The following RBFOX1 variants were observed in gnomAD, a reference collection of about 807,000 sequenced individuals.
RBFOX1 encodes RNA binding fox-1 homolog 1.
In RBFOX1, 8 loss-of-function variants were observed where a neutral mutation model predicts 57.7. The ratio of observed to expected loss-of-function variants is 0.14; its 90% CI spans 0.08 to 0.25. The LOEUF (loss-of-function observed/expected upper bound fraction) is 0.25, where lower values mean the gene tolerates loss of function less well. Ranked by LOEUF, RBFOX1 falls within the 10% of genes least tolerant of loss-of-function variation. The probability of loss-of-function intolerance (pLI) is 1.00; values close to 1 mark genes in which losing one functional copy is unlikely to be tolerated. For synonymous variants in RBFOX1, 326 were observed against 222.4 expected, an observed-to-expected ratio of 1.47 and a Z score of -4.15; for missense variants, 611 against 548.5, an observed-to-expected ratio of 1.11 and a Z score of -1.14.
chr16:5,443,739 G>C (rs181894990), intron 1 of RBFOX1, among the ~76,000 whole-genome samples: 1 of 152,246 alleles, frequency 6.6e-6, no homozygotes, highest in East Asian at 1.9e-4. Flanking sequence ...TTAAGCTTTT[G>C]CTTTGATTAT....
chr16:6,084,502 C>T (rs568705809), intron 1 of RBFOX1, among the ~76,000 whole-genome samples: 1 of 152,248 alleles, frequency 6.6e-6, no homozygotes, highest in East Asian at 1.9e-4. Flanking sequence ...CCTCTGCCTC[C>T]CAAAATGTTG....
At chr16:7,290,403 G>A (rs1447984591) in intron 4 of RBFOX1, among the ~76,000 whole-genome samples, 1 of 152,160 alleles carries the variant, frequency 6.6e-6, no homozygotes, top group Non-Finnish European at 1.5e-5. Context: ...TTAACCAGGT[G>A]ACCTTAAAAT....
At chr16:6,527,585 C>G (rs903889293) in intron 2 of RBFOX1, among the ~76,000 whole-genome samples, 14 of 152,094 alleles carry the variant, frequency 9.2e-5, no homozygotes, top group Non-Finnish European at 2.9e-5. Context: ...ATTTAGGACC[C>G]TCTAAATTGT....
At chr16:7,489,775 C>T (rs1370002804) in intron 4 of RBFOX1, among the ~76,000 whole-genome samples, 1 of 151,966 alleles carries the variant, frequency 6.6e-6, no homozygotes, top group Non-Finnish European at 1.5e-5. Context: ...CCCAACTCAG[C>T]CTTCCAGAGC....
At chr16:7,634,310 GC>G (rs1216969653) in intron 11 of RBFOX1, among the ~76,000 whole-genome samples, 1 of 151,956 alleles carries the variant, frequency 6.6e-6, no homozygotes, top group Non-Finnish European at 1.5e-5. Context: ...CTACAGACTT[GC>G]AAGATAACTC....
intron 2 of RBFOX1, among the ~76,000 whole-genome samples, chr16:6,341,591 A>G (rs1182996293): frequency 6.6e-6 from 1 of 152,202 alleles, no homozygotes; most frequent in Non-Finnish European, 1.5e-5. Context: ...AAAATATAGT[A>G]ATTAAGAAAA....
intron 1 of RBFOX1, among the ~76,000 whole-genome samples, chr16:6,302,816 T>G (rs1405973411): frequency 6.6e-6 from 1 of 152,224 alleles, no homozygotes; most frequent in Non-Finnish European, 1.5e-5. Context: ...TTATGCCCCT[T>G]TTAGTGATTC....
At chr16:6,552,986 A>G (rs2153882533) in intron 2 of RBFOX1, among the ~76,000 whole-genome samples, 1 of 152,320 alleles carries the variant, frequency 6.6e-6, no homozygotes, top group Non-Finnish European at 1.5e-5. Context: ...AAGAAAAAGC[A>G]TCAGCTGCCC....
intron 2 of RBFOX1, among the ~76,000 whole-genome samples, chr16:6,392,179 G>T (rs1441833252): frequency 1.3e-5 from 2 of 152,176 alleles, no homozygotes. Context: ...TGAAAAGACC[G>T]TTTCTAAAAT....
At chr16:7,690,158 A>C (rs2077008009) in intron 14 of RBFOX1, among the ~76,000 whole-genome samples, 2 of 152,050 alleles carry the variant, frequency 1.3e-5, no homozygotes, top group Non-Finnish European at 2.9e-5. Context: ...GCATTTTCCG[A>C]ACTACTTTCC....
At chr16:6,465,809 T>C (rs1335220333) in intron 2 of RBFOX1, among the ~76,000 whole-genome samples, 1 of 151,382 alleles carries the variant, frequency 6.6e-6, no homozygotes, top group Non-Finnish European at 1.5e-5. Context: ...ATGCTAACTG[T>C]TGATTTAGGC....
At chr16:7,532,393 G>A (rs920262821) in intron 5 of RBFOX1, among the ~76,000 whole-genome samples, 8 of 152,200 alleles carry the variant, frequency 5.3e-5, no homozygotes, top group African/African-American at 1.9e-4. Flanking sequence ...AGATGTTGGG[G>A]ACGAGGGGAG....
intron 4 of RBFOX1, among the ~76,000 whole-genome samples, chr16:7,373,090 C>T (rs989314507): frequency 2.6e-5 from 4 of 151,878 alleles, no homozygotes; most frequent in African/African-American, 4.8e-5. Flanking sequence ...TGCCACCATG[C>T]GTGGCTAATT....
chr16:6,401,823 T>C (rs2093081081), intron 2 of RBFOX1, among the ~76,000 whole-genome samples: 1 of 152,068 alleles, frequency 6.6e-6, no homozygotes, highest in Non-Finnish European at 1.5e-5. Flanking sequence ...TGGGCAGCTA[T>C]TGCATTTATG....
intron 4 of RBFOX1, among the ~76,000 whole-genome samples, chr16:7,400,752 C>G (rs1315068576): frequency 2.6e-5 from 4 of 152,144 alleles, no homozygotes; most frequent in African/African-American, 9.7e-5. Flanking sequence ...CTGCAGTAAT[C>G]CAGTCAATTA....
intron 4 of RBFOX1, among the ~76,000 whole-genome samples, chr16:7,263,990 T>A (rs9930533): frequency 0.53 from 79,600 of 150,528 alleles, 21,583 homozygotes; most frequent in African/African-American, 0.64. Flanking sequence ...CACAGAAAGA[T>A]CTTGGCGGTT....
intron 4 of RBFOX1, among the ~76,000 whole-genome samples, chr16:7,441,091 T>C (rs868565636): frequency 9.9e-5 from 15 of 152,096 alleles, no homozygotes; most frequent in African/African-American, 3.6e-4. Context: ...GATATCCTCT[T>C]TAAAGAGAAA....
intron 4 of RBFOX1, among the ~76,000 whole-genome samples, chr16:7,165,413 A>AATAATAATAATAATAATAATG (rs1249375460): frequency 9.9e-5 from 14 of 141,216 alleles, no homozygotes; most frequent in African/African-American, 3.7e-4. Context: ...TAATAATGAT[A>AATAATAATAATAATAATAATG]ATAATCATTA....
chr16:6,096,847 C>T (rs548939558), intron 1 of RBFOX1, among the ~76,000 whole-genome samples: 3 of 152,184 alleles, frequency 2.0e-5, no homozygotes, highest in Non-Finnish European at 4.4e-5. Flanking sequence ...AGGTCATCAG[C>T]CTCCGCTGGG....
Sources: allele counts gnomAD v4.1 joint callset (sites outside exome capture counted in the v4.1 genomes callset), GRCh38; gene constraint gnomAD v4.1.1; transcripts MANE v1.5; gene names NCBI Gene and HGNC (gene_info 2026-07-23, HGNC 2026-07-21).